TRAP1: variants seen among roughly 807,000 people sequenced by gnomAD.
The protein encoded by TRAP1 is TNF receptor associated protein 1.
A neutral mutation model predicts 89.1 loss-of-function variants in TRAP1; 102 were observed. The observed-to-expected ratio is 1.15, with a 90% confidence interval of 0.98 to 1.35. The LOEUF (loss-of-function observed/expected upper bound fraction) is 1.35, where lower values mean the gene tolerates loss of function less well. Among genes scored for constraint, TRAP1 ranks in the 40% most tolerant of loss-of-function variants. The pLI, the probability that TRAP1 is intolerant of heterozygous loss-of-function variation, is 0.00. For missense variants in TRAP1, 1,256 were observed against 945.3 expected (o/e 1.33, Z -4.31); for synonymous variants, 508 against 388.0 (o/e 1.31, Z -3.64).
chr16:3,703,478 T>A (rs1391469774), intron 1 of TRAP1, among the ~76,000 whole-genome samples: 2 of 151,930 alleles, frequency 1.3e-5, no homozygotes. Flanking sequence ...TTGCACACAC[T>A]ACCATGGTGT....
At chr16:3,685,426 G>A (rs907730025) in intron 4 of TRAP1, among the ~76,000 whole-genome samples, 1 of 152,042 alleles carries the variant, frequency 6.6e-6, no homozygotes, top group Admixed American at 6.6e-5. Context: ...CACCCTAAAA[G>A]GGAATACTCA....
intron 1 of TRAP1, among the ~76,000 whole-genome samples, chr16:3,714,228 A>G (rs1364978587): frequency 6.6e-6 from 1 of 152,178 alleles, no homozygotes; most frequent in Non-Finnish European, 1.5e-5. Flanking sequence ...GCAGCCACCT[A>G]TGACTCCAGA....
intron 3 of TRAP1, among the ~76,000 whole-genome samples, chr16:3,686,611 C>G (rs573052309): frequency 6.6e-6 from 1 of 152,326 alleles, no homozygotes; most frequent in African/African-American, 2.4e-5. Flanking sequence ...GCCACGGTGC[C>G]TGGCCCTTTT....
In TRAP1 at chr16:3,658,239, C is replaced by T; in HGVS notation, c.2014-9G>A. The T allele has an allele frequency of 1.2e-6, 2 of 1,610,252 alleles. No homozygotes were observed. The highest frequency in any genetic ancestry group is 1.7e-6 in the Non-Finnish European group (2 of 1,177,228). On this transcript the variant is annotated splice_polypyrimidine_tract_variant and intron_variant, in intron 17 of 17. Transcript: ENST00000246957. ...ATGGCGTTCTCGTATATCTGAAAGGCAAGAGGAGAAACCCATTATGAGGGG... is the reference window on the plus strand; with the variant it reads ...ATGGCGTTCTCGTATATCTGAAAGGTAAGAGGAGAAACCCATTATGAGGGG...
intron 17 of TRAP1, 103 bp downstream of exon 17, chr16:3,658,690 C>CAAAAAGACAGGATTT (rs2042874777): frequency 8.5e-7 from 1 of 1,180,668 alleles, no homozygotes; most frequent in East Asian, 2.6e-5. Flanking sequence ...AACAAACAAA[C>CAAAAAGACAGGATTT]AAAAAGACAG....
intron 10 of TRAP1, 31 bp from the exon 11 acceptor site, chr16:3,671,822 G>A (rs766121250): frequency 1.9e-6 from 3 of 1,607,660 alleles, no homozygotes; most frequent in East Asian, 2.2e-5. Context: ...CTTCTCCCGG[G>A]GCTGCGGCCC....
chr16:3,675,756 T>G (rs912162397), intron 7 of TRAP1, among the ~76,000 whole-genome samples: 1 of 152,178 alleles, frequency 6.6e-6, no homozygotes, highest in African/African-American at 2.4e-5. Context: ...GGGACAGGAC[T>G]GCGCCAAACC....
chr16:3,672,583 G>T (rs1202482357), intron 10 of TRAP1, 117 bp downstream of exon 10: 5 of 1,431,968 alleles, frequency 3.5e-6, no homozygotes, highest in Non-Finnish European at 4.6e-6. Flanking sequence ...AGCGCAGGCC[G>T]ACGGCGGTGC....
At chr16:3,699,727 G>C (rs1013495003) in intron 1 of TRAP1, among the ~76,000 whole-genome samples, 1 of 151,888 alleles carries the variant, frequency 6.6e-6, no homozygotes, top group Non-Finnish European at 1.5e-5. Context: ...GAGTGCAGTG[G>C]TACAGTCATG....
chr16:3,690,116 C>G (rs539705415), intron 2 of TRAP1, among the ~76,000 whole-genome samples: 7 of 152,246 alleles, frequency 4.6e-5, no homozygotes, highest in African/African-American at 1.7e-4. Flanking sequence ...AACCGATTCT[C>G]CTGCCTCAGC....
intron 1 of TRAP1, among the ~76,000 whole-genome samples, chr16:3,706,121 A>G (rs1408158332): frequency 6.6e-6 from 1 of 150,420 alleles, no homozygotes; most frequent in African/African-American, 2.5e-5. Flanking sequence ...CGCCCAGTTA[A>G]TTTTTGTATT....
chr16:3,698,717 G>A (rs947319578), intron 1 of TRAP1, among the ~76,000 whole-genome samples: 3 of 151,936 alleles, frequency 2.0e-5, no homozygotes, highest in Non-Finnish European at 2.9e-5. Flanking sequence ...AATTAGCCTG[G>A]GTAACATGGC....
At chr16:3,663,247 TATCTA>T (rs746910866) in intron 14 of TRAP1, 172 bp downstream of exon 14, 11 of 800,314 alleles carry the variant, frequency 1.4e-5, no homozygotes, top group Non-Finnish European at 1.9e-5. Flanking sequence ...AGACCCCTGA[TATCTA>T]AACCAGGAGG....
chr16:3,683,728 GGCAAC>G (rs2051102751), intron 4 of TRAP1, among the ~76,000 whole-genome samples: 2 of 151,090 alleles, frequency 1.3e-5, no homozygotes, highest in South Asian at 4.2e-4. Context: ...TGGAGTAGAT[GGCAAC>G]GCTGTACTAT....
chr16:3,662,187 G>T, intron 15 of TRAP1, 55 bp from the exon 16 acceptor site: 1 of 1,573,804 alleles, frequency 6.4e-7, no homozygotes. Flanking sequence ...TGAGAGGGCT[G>T]GCAGGATCTT....
At chr16:3,677,177 A>G (rs943499356) in intron 6 of TRAP1, among the ~76,000 whole-genome samples, 3 of 152,136 alleles carry the variant, frequency 2.0e-5, no homozygotes, top group African/African-American at 7.2e-5. Flanking sequence ...CTCTTGCAGA[A>G]GGTCGGTCAC....
At position 3,676,044 on chromosome 16, in the gene TRAP1, C is replaced by A; in HGVS notation, c.806G>T (p.Arg269Leu). The A allele has an allele frequency of 1.2e-6, 2 of 1,613,170 alleles. No individual in the cohort carries two copies. The highest frequency in any genetic ancestry group is 2.2e-5 in the South Asian group (2 of 90,890). ...CCCGGGCTCCCGCTCACCTCGCACC[C>A]GGGCCTCGCTGGAAAACTCCTTGCA... ...SDCKEFSSEA[R>L]VRDVVTKYSN... Residue 269 changes from arginine to leucine, a missense_variant, in exon 7 of 18, where the codon CGG becomes CTG. Physicochemically the swap from Arg to Leu is moderately radical, Grantham distance 102 (BLOSUM62 -2). Transcript: ENST00000246957.
At position 3,690,783 on chromosome 16, in the gene TRAP1, T is replaced by C. The variant is rs1043615853; in HGVS notation, c.247+44A>G. ...GAAAATGCCCCTTTACGCACAGCAG[T>C]GAACCAAAAAGCCCTCCCAGACCAA... is the stretch of plus-strand genomic sequence containing the variant. On this transcript the variant is annotated intron_variant, in intron 2 of 17. Transcript: ENST00000246957. 8 of 1,347,370 alleles carry C rather than the reference T, an allele frequency of 5.9e-6. No homozygotes were observed. The Admixed American group carries it at 2.4e-4, about 40-fold the overall frequency. 83.5% of individuals were successfully genotyped at this position (1,347,370 alleles called of 1,614,324 possible).
chr16:3,669,697 G>C (rs1481849467), intron 11 of TRAP1, among the ~76,000 whole-genome samples: 1 of 151,852 alleles, frequency 6.6e-6, no homozygotes, highest in East Asian at 1.9e-4. Flanking sequence ...AGCTGGGCGT[G>C]GTGGTGGGTG....
Sources: gnomAD v4.1 joint callset for allele counts (sites outside exome capture counted in the v4.1 genomes callset) on GRCh38, gnomAD v4.1.1 for gene constraint, MANE v1.5 for transcripts, NCBI Gene and HGNC (gene_info 2026-07-23, HGNC 2026-07-21) for gene names.